ADAMTSL1: variants seen among roughly 807,000 people sequenced by gnomAD.
The protein encoded by ADAMTSL1 is ADAMTS-like protein 1.
ADAMTSL1 carries 126 observed loss-of-function variants against 201.8 expected under a neutral mutation model. The ratio of observed to expected loss-of-function variants is 0.62; its 90% CI spans 0.54 to 0.72. The LOEUF is 0.72. Among genes scored for constraint, ADAMTSL1 ranks in the 30% least tolerant of loss-of-function variants. The probability of loss-of-function intolerance (pLI) is 0.00; values close to 1 mark genes in which losing one functional copy is unlikely to be tolerated. For missense variants in ADAMTSL1, 2,679 were observed against 2,277.8 expected, an observed-to-expected ratio of 1.18 and a Z score of -3.59; for synonymous variants, 1,121 against 903.4, an observed-to-expected ratio of 1.24 and a Z score of -4.32.
chr9:18,133,033 G>T (rs886647598), intron 1 of ADAMTSL1, among the ~76,000 whole-genome samples: 1 of 152,086 alleles, frequency 6.6e-6, no homozygotes, highest in African/African-American at 2.4e-5. Flanking sequence ...AGGATTGAGG[G>T]TTCAGAATCT....
At chr9:18,368,194 C>T (rs1285974432) in intron 2 of ADAMTSL1, among the ~76,000 whole-genome samples, 2 of 152,142 alleles carry the variant, frequency 1.3e-5, no homozygotes, top group African/African-American at 2.4e-5. Flanking sequence ...CGATTACAGG[C>T]GTGAGCCACC....
intron 1 of ADAMTSL1, among the ~76,000 whole-genome samples, chr9:17,932,273 G>T (rs1019981468): frequency 1.3e-5 from 2 of 152,156 alleles, no homozygotes; most frequent in East Asian, 1.9e-4. Flanking sequence ...TGAGACCTGG[G>T]TTGGCAATTC....
At chr9:18,309,917 A>T (rs1297442839) in intron 2 of ADAMTSL1, among the ~76,000 whole-genome samples, 9 of 152,170 alleles carry the variant, frequency 5.9e-5, no homozygotes, top group Non-Finnish European at 8.8e-5. Flanking sequence ...TGGAGGCATC[A>T]TGCTACCTAA....
At chr9:18,489,388 C>T (rs112247149) in intron 1 of ADAMTSL1, among the ~76,000 whole-genome samples, 4 of 152,244 alleles carry the variant, frequency 2.6e-5, no homozygotes, top group South Asian at 2.1e-4. Flanking sequence ...AGGAAGCATT[C>T]TGGTGCCTAA....
intron 1 of ADAMTSL1, among the ~76,000 whole-genome samples, chr9:17,931,995 A>C (rs546394668): frequency 6.6e-6 from 1 of 152,166 alleles, no homozygotes; most frequent in Non-Finnish European, 1.5e-5. Context: ...AAATGGCTCA[A>C]TGGGACCCCT....
At chr9:18,781,389 A>G (rs1821386153) in intron 19 of ADAMTSL1, among the ~76,000 whole-genome samples, 1 of 152,228 alleles carries the variant, frequency 6.6e-6, no homozygotes, top group South Asian at 2.1e-4. Context: ...GTGGTAAGGA[A>G]AAATAAGACA....
chr9:18,539,296 G>A (rs1231117485), intron 3 of ADAMTSL1, among the ~76,000 whole-genome samples: 1 of 152,216 alleles, frequency 6.6e-6, no homozygotes, highest in Non-Finnish European at 1.5e-5. Context: ...CTTGGGGGAA[G>A]TCAGAGGCTA....
chr9:18,771,981 T>C (rs1017778793), intron 17 of ADAMTSL1, among the ~76,000 whole-genome samples: 4 of 152,208 alleles, frequency 2.6e-5, no homozygotes, highest in Non-Finnish European at 5.9e-5. Flanking sequence ...AAACTGCTTC[T>C]TGTGGTATCT....
intron 1 of ADAMTSL1, among the ~76,000 whole-genome samples, chr9:17,924,179 G>A (rs1462313155): frequency 6.6e-6 from 1 of 151,434 alleles, no homozygotes; most frequent in Non-Finnish European, 1.5e-5. Context: ...TCTATTGATT[G>A]GAATAGTTTC....
intron 4 of ADAMTSL1, among the ~76,000 whole-genome samples, chr9:18,588,598 A>G (rs1209075454): frequency 6.6e-6 from 1 of 151,976 alleles, no homozygotes; most frequent in Non-Finnish European, 1.5e-5. Context: ...CAAGTCTTAC[A>G]TTTAAGTCTT....
rs1319293173 is a variant in ADAMTSL1, at chr9:18,628,884, A to T, written c.601+6515A>T. The stretch of plus-strand genomic sequence containing the variant: ...TTTTTAAAATTAGAGATGAGGTTTC[A>T]CTATGTTGCCCAGACTGAAGTGCAG... On this transcript the variant is annotated intron_variant, in intron 5 of 28. Transcript: ENST00000380548. Among the ~76,000 whole-genome samples, 5 of 152,286 alleles carry T rather than the reference A, an allele frequency of 3.3e-5. No homozygotes were observed. In the East Asian group the frequency reaches 9.7e-4, roughly 29 times the overall value.
intron 8 of ADAMTSL1, 123 bp downstream of exon 8, chr9:18,657,873 C>A: frequency 1.3e-6 from 1 of 759,882 alleles, no homozygotes; most frequent in Non-Finnish European, 2.2e-6. Flanking sequence ...ATCCTTTCTT[C>A]TGAACAGAGT....
chr9:18,775,053 T>A (rs1820896755), intron 17 of ADAMTSL1, among the ~76,000 whole-genome samples: 1 of 150,444 alleles, frequency 6.6e-6, no homozygotes, highest in African/African-American at 2.4e-5. Context: ...TTGTTGTCTT[T>A]TTTTTTTATT....
intron 2 of ADAMTSL1, among the ~76,000 whole-genome samples, chr9:18,371,876 GCT>G (rs1346883200): frequency 2.6e-5 from 4 of 152,162 alleles, no homozygotes; most frequent in Non-Finnish European, 5.9e-5. Flanking sequence ...CCCTACAAGG[GCT>G]CTGGGCTCAG....
chr9:18,023,162 C>T (rs1318014319), intron 1 of ADAMTSL1, among the ~76,000 whole-genome samples: 2 of 151,390 alleles, frequency 1.3e-5, no homozygotes, highest in Non-Finnish European at 3.0e-5. Context: ...ATATGTATGT[C>T]TGCGAAAGAG....
intron 19 of ADAMTSL1, among the ~76,000 whole-genome samples, chr9:18,794,572 T>C (rs1822258733): frequency 6.6e-6 from 1 of 152,120 alleles, no homozygotes; most frequent in Non-Finnish European, 1.5e-5. Context: ...AATTCTTGGC[T>C]TTTTCTCTTC....
chr9:18,892,379 C>G lies in ADAMTSL1; in HGVS notation c.4644-10C>G. ...TTTAGGGCTCTCCTGACACTTCTTC[C>G]TCTCCCCAGGTGGATGGTGACCTCC... On this transcript the variant is annotated splice_polypyrimidine_tract_variant and intron_variant, in intron 25 of 28. Transcript: ENST00000380548. 1 of 1,609,112 alleles carries G rather than the reference C, an allele frequency of 6.2e-7. No homozygotes were observed. Among genetic ancestry groups the G allele is most frequent in the Non-Finnish European group, 8.5e-7 (1 of 1,178,176 alleles).
chr9:17,994,320 A>G (rs908681922), intron 1 of ADAMTSL1, among the ~76,000 whole-genome samples: 1 of 152,078 alleles, frequency 6.6e-6, no homozygotes, highest in African/African-American at 2.4e-5. Flanking sequence ...TAACTTTTCT[A>G]TCTTTTTTTC....
chr9:18,196,015 T>C (rs1490522390), intron 2 of ADAMTSL1, among the ~76,000 whole-genome samples: 1 of 152,180 alleles, frequency 6.6e-6, no homozygotes, highest in Non-Finnish European at 1.5e-5. Context: ...TCCTATTTTC[T>C]GTTAGGACTG....
Sources: gnomAD v4.1 joint callset for allele counts (sites outside exome capture counted in the v4.1 genomes callset) on GRCh38, gnomAD v4.1.1 for gene constraint, MANE v1.5 for transcripts, NCBI Gene and HGNC (gene_info 2026-07-23, HGNC 2026-07-21) for gene names.